The following CNOT1 variants were observed in gnomAD, a reference collection of about 807,000 sequenced individuals.
The protein encoded by CNOT1 is CCR4-NOT transcription complex subunit 1, also known as CCR4-associated factor 1.
In CNOT1, 15 loss-of-function variants were observed where a neutral mutation model predicts 273.8. The observed-to-expected ratio is 0.05, with a 90% CI of 0.04 to 0.08. CNOT1 has a LOEUF of 0.08. Ranked by LOEUF, CNOT1 falls within the 10% of genes least tolerant of loss-of-function variation. The pLI is 1.00. For missense variants in CNOT1, 1,644 were observed against 2,912.2 expected, an observed-to-expected ratio of 0.56 and a Z score of 10.02; for synonymous variants, 1,022 against 1,005.5, an observed-to-expected ratio of 1.02 and a Z score of -0.31.
At chr16:58,591,877 TATG>T (rs1193874646) in intron 2 of CNOT1, among the ~76,000 whole-genome samples, 1 of 151,194 alleles carries the variant, frequency 6.6e-6, no homozygotes, top group African/African-American at 2.4e-5. Context: ...TACCATTCCA[TATG>T]ATTTTTTTTC....
chr16:58,563,475 A>C (rs561726161), intron 16 of CNOT1, among the ~76,000 whole-genome samples: 1 of 152,320 alleles, frequency 6.6e-6, no homozygotes, highest in Non-Finnish European at 1.5e-5. Context: ...TGCAATGCAG[A>C]CCACAAAAAA....
In CNOT1 at chr16:58,530,323, G is replaced by C; in HGVS notation, c.6202C>G (p.Leu2068Val). 6.2e-7 allele frequency: 1 copy of C among 1,612,178 alleles called. No individual in the cohort carries two copies. The highest frequency in any genetic ancestry group is 8.5e-7 in the Non-Finnish European group (1 of 1,178,780). ...QKGWPMYAQL[L>V]IDLFKYLAPF... is the part of the protein sequence containing the mutation. ...GCTAAATATTTGAATAAATCAATCA[G>C]TAGCTGTGCATACATAGGCCACCCC... The change falls in exon 43 of 49, where the codon CTG (leucine) becomes GTG (valine). Residue 2068 changes from leucine (L) to valine (V), a missense_variant. Physicochemically the swap from Leu to Val is conservative, Grantham distance 32. This residue lies in a region of CNOT1 where 7 missense variants were observed against 35.6 expected (regional missense o/e 0.20). Transcript: ENST00000317147.
intron 1 of CNOT1, chr16:58,624,698 T>A (rs1454792877): frequency 6.6e-6 from 1 of 152,048 alleles, no homozygotes; most frequent in African/African-American, 2.4e-5. Context: ...CTCGGGAGGC[T>A]GAGGGAGGAG....
chr16:58,557,012 G>A lies in CNOT1; in HGVS notation c.2333-19C>T. ...CCACCTACTAGAGAGAACGAAGGCA[G>A]CCACAAATCCTATCATTATTCATAT... On this transcript the variant is annotated intron_variant, in intron 18 of 48. Transcript: ENST00000317147. 6.2e-7 allele frequency: 1 copy of A among 1,609,612 alleles called. No homozygotes were observed. The highest frequency in any genetic ancestry group is 8.5e-7 in the Non-Finnish European group (1 of 1,178,812).
At chr16:58,528,132 A>G (rs1447080979) in intron 44 of CNOT1, 4 of 480,308 alleles carry the variant, frequency 8.3e-6, no homozygotes, top group African/African-American at 2.0e-5. Flanking sequence ...AAAAGATTAC[A>G]AAGGTCTGTT....
chr16:58,607,900 G>A (rs1052807620), intron 1 of CNOT1, among the ~76,000 whole-genome samples: 3 of 151,404 alleles, frequency 2.0e-5, no homozygotes, highest in Non-Finnish European at 2.9e-5. Context: ...GGCCAGGCGC[G>A]GTGACTCACA....
chr16:58,565,691 C>T (rs2041015662), intron 16 of CNOT1, among the ~76,000 whole-genome samples: 1 of 152,014 alleles, frequency 6.6e-6, no homozygotes, highest in Non-Finnish European at 1.5e-5. Flanking sequence ...ACCTGTCATC[C>T]CAGCACTCTG....
At chr16:58,544,655 T>C (rs1449489749) in intron 30 of CNOT1, among the ~76,000 whole-genome samples, 1 of 152,174 alleles carries the variant, frequency 6.6e-6, no homozygotes, top group Admixed American at 6.5e-5. Context: ...AATAAAAAGT[T>C]CAATGTATTA....
chr16:58,602,566 A>AC (rs1567437579), intron 1 of CNOT1, among the ~76,000 whole-genome samples: 10 of 147,948 alleles, frequency 6.8e-5, no homozygotes, highest in Admixed American at 1.4e-4. Flanking sequence ...AAAAAAAAAA[A>AC]AAAAAAAAAA....
At chr16:58,523,305 GA>G (rs71155275) in intron 47 of CNOT1, 64 bp downstream of exon 47, 2,412 of 1,329,062 alleles carry the variant, frequency 1.8e-3, no homozygotes, top group South Asian at 3.0e-3. Flanking sequence ...GCATAAAGAG[GA>G]AAAAAAAAAG....
At chr16:58,565,717 C>T (rs1406085710) in intron 16 of CNOT1, among the ~76,000 whole-genome samples, 1 of 152,046 alleles carries the variant, frequency 6.6e-6, no homozygotes, top group African/African-American at 2.4e-5. Context: ...CAGAGGTGGG[C>T]AGATCACTTG....
intron 24 of CNOT1, among the ~76,000 whole-genome samples, chr16:58,550,333 CAT>C (rs1161658867): frequency 1.3e-5 from 2 of 152,160 alleles, no homozygotes; most frequent in South Asian, 2.1e-4. Flanking sequence ...ATTTGAACTA[CAT>C]AGAGTAAAAT....
At chr16:58,590,145 A>G (rs904547566) in intron 2 of CNOT1, among the ~76,000 whole-genome samples, 2 of 152,202 alleles carry the variant, frequency 1.3e-5, no homozygotes, top group African/African-American at 4.8e-5. Context: ...CATACTACCT[A>G]CACGTTGGGC....
In CNOT1 at chr16:58,616,045, C is replaced by T. The variant is rs1240209553; in HGVS notation, c.-175+13683G>A. Among the ~76,000 whole-genome samples, 3 of 123,756 alleles carry T rather than the reference C, an allele frequency of 2.4e-5. 1 individual carries two copies. Among genetic ancestry groups the T allele is most frequent in the Admixed American group, 8.0e-5 (1 of 12,482 alleles). 81.2% of individuals were successfully genotyped at this position (123,756 alleles called of 152,430 possible). Reference sequence around the variant, plus strand: ...TATGATCAGGCCATTGTCCTGCAGCCTGGATGACAGGGCAAGACACTGACT... The same window carrying T: ...TATGATCAGGCCATTGTCCTGCAGCTTGGATGACAGGGCAAGACACTGACT... On this transcript the variant is annotated intron_variant, in intron 1 of 48. Transcript: ENST00000317147.
intron 1 of CNOT1, among the ~76,000 whole-genome samples, chr16:58,626,226 G>A (rs1242653137): frequency 6.6e-6 from 1 of 151,326 alleles, no homozygotes; most frequent in Non-Finnish European, 1.5e-5. Context: ...TGGCCAATAC[G>A]TTGAAACCTC....
chr16:58,559,576 A>G (rs1246289803), intron 17 of CNOT1, among the ~76,000 whole-genome samples: 1 of 152,228 alleles, frequency 6.6e-6, no homozygotes, highest in East Asian at 1.9e-4. Context: ...AAAATATCTA[A>G]TAACTGCACT....
At chr16:58,587,983 T>C (rs933991032) in intron 3 of CNOT1, 105 bp from the exon 4 acceptor site, 2 of 1,095,138 alleles carry the variant, frequency 1.8e-6, no homozygotes, top group African/African-American at 3.2e-5. Context: ...CTATATACTG[T>C]TATATATTAT....
At chr16:58,591,664 G>A (rs776052306) in intron 2 of CNOT1, among the ~76,000 whole-genome samples, 1 of 151,656 alleles carries the variant, frequency 6.6e-6, no homozygotes, top group Non-Finnish European at 1.5e-5. Context: ...TGAGGCTGGA[G>A]AATCGCTTGA....
At chr16:58,571,333 A>T (rs1328574690) in intron 16 of CNOT1, among the ~76,000 whole-genome samples, 1 of 152,154 alleles carries the variant, frequency 6.6e-6, no homozygotes, top group Non-Finnish European at 1.5e-5. Flanking sequence ...AGGTGGGTAG[A>T]TCACCTGAGG....
Sources: gnomAD v4.1 joint callset for allele counts (sites outside exome capture counted in the v4.1 genomes callset) on GRCh38, gnomAD v4.1.1 for gene constraint, gnomAD v4.1.1 regional missense constraint, MANE v1.5 for transcripts, NCBI Gene and HGNC (gene_info 2026-07-23, HGNC 2026-07-21) for gene names.